NR3C1: variants seen among roughly 807,000 people sequenced by gnomAD.
NR3C1 encodes the protein nuclear receptor subfamily 3 group C member 1.
In NR3C1, 14 loss-of-function variants were observed where a neutral mutation model predicts 74.0. The ratio of observed to expected loss-of-function variants is 0.19; its 90% CI spans 0.12 to 0.30. NR3C1 has a LOEUF of 0.30. NR3C1 is among the 10% of genes least tolerant of loss of function. The pLI is 1.00. For synonymous variants in NR3C1, 308 were observed against 332.5 expected, an observed-to-expected ratio of 0.93 and a Z score of 0.80; for missense variants, 695 against 909.8, an observed-to-expected ratio of 0.76 and a Z score of 3.04.
In NR3C1 at chr5:143,282,741, G is replaced by T; in HGVS notation, c.2024-16C>A. 6.2e-7 allele frequency: 1 copy of T among 1,605,102 alleles called. No individual in the cohort carries two copies. ...TCCTTAGGAACTAAAAGGTTAAGAT[G>T]AAGTCAGTTAAAGGATTTTCTTTTT... On this transcript the variant is annotated splice_polypyrimidine_tract_variant and intron_variant, in intron 7 of 8. Coordinates refer to ENST00000394464, the MANE Select transcript of NR3C1 (RefSeq NM_000176.3).
intron 1 of NR3C1, among the ~76,000 whole-genome samples, chr5:143,402,994 C>A (rs1600639096): frequency 1.3e-5 from 2 of 149,560 alleles, no homozygotes; most frequent in East Asian, 4.0e-4. Context: ...CTCGGCCCGG[C>A]CAGGGGACGC....
intron 1 of NR3C1, chr5:143,401,111 T>A: frequency 2.0e-6 from 1 of 493,314 alleles, no homozygotes; most frequent in Non-Finnish European, 3.7e-6. Flanking sequence ...CGAACTAAGC[T>A]TGGCTATTCA....
chr5:143,412,030 G>C (rs1460024397), intron 1 of NR3C1, among the ~76,000 whole-genome samples: 1 of 152,022 alleles, frequency 6.6e-6, no homozygotes, highest in Non-Finnish European at 1.5e-5. Context: ...CTATGAAAGA[G>C]ATGGACTTCC....
intron 2 of NR3C1, among the ~76,000 whole-genome samples, chr5:143,330,558 A>G (rs1189004794): frequency 6.6e-6 from 1 of 152,232 alleles, no homozygotes; most frequent in African/African-American, 2.4e-5. Flanking sequence ...AATCAAAAGG[A>G]ATAAGAATGT....
chr5:143,367,827 T>C (rs1021204733), intron 2 of NR3C1, among the ~76,000 whole-genome samples: 2 of 152,202 alleles, frequency 1.3e-5, no homozygotes, highest in Non-Finnish European at 1.5e-5. Context: ...CCCAAACTGA[T>C]CTACAGGTTC....
intron 1 of NR3C1, chr5:143,402,688 C>T (rs1840536089): frequency 1.0e-6 from 1 of 985,372 alleles, no homozygotes; most frequent in Non-Finnish European, 1.2e-6. Flanking sequence ...TGTCAGCCCC[C>T]CGCGTGTGCA....
chr5:143,400,886 A>G (rs1422333096), intron 1 of NR3C1, 34 bp from the exon 2 acceptor site: 1 of 1,496,178 alleles, frequency 6.7e-7, no homozygotes, highest in Non-Finnish European at 9.2e-7. Context: ...GGGGGAAAAC[A>G]TCATAAGCTC....
At chr5:143,288,818 G>A (rs1205175332) in intron 7 of NR3C1, among the ~76,000 whole-genome samples, 2 of 152,042 alleles carry the variant, frequency 1.3e-5, no homozygotes, top group Non-Finnish European at 2.9e-5. Flanking sequence ...TAAAAAATAC[G>A]TGGAAGACCA....
intron 7 of NR3C1, 57 bp from the exon 8 acceptor site, chr5:143,282,782 T>C (rs531843442): frequency 4.6e-5 from 71 of 1,557,102 alleles, no homozygotes; most frequent in Admixed American, 3.1e-4. Context: ...CTTTTCTTTT[T>C]TTTTTTTTTT....
intron 1 of NR3C1, among the ~76,000 whole-genome samples, chr5:143,425,520 A>G (rs1335117759): frequency 6.6e-6 from 1 of 152,218 alleles, no homozygotes; most frequent in Admixed American, 6.5e-5. Context: ...AAGAACTTTT[A>G]TATTTCAACA....
chr5:143,420,203 C>A (rs1751151164), intron 1 of NR3C1, among the ~76,000 whole-genome samples: 1 of 152,086 alleles, frequency 6.6e-6, no homozygotes, highest in Admixed American at 6.5e-5. Flanking sequence ...GTGCAGTTAA[C>A]ACAATTATCA....
chr5:143,344,742 G>A (rs957711931), intron 2 of NR3C1, among the ~76,000 whole-genome samples: 9 of 152,020 alleles, frequency 5.9e-5, no homozygotes, highest in South Asian at 2.1e-4. Flanking sequence ...GTGTGGTGGC[G>A]GGCGCCTGTA....
intron 7 of NR3C1, among the ~76,000 whole-genome samples, chr5:143,283,679 A>C (rs1377680454): frequency 6.6e-6 from 1 of 152,164 alleles, no homozygotes; most frequent in Non-Finnish European, 1.5e-5. Context: ...GGTTAGTGAA[A>C]CTAGTATAAA....
exon 1 of NR3C1, chr5:143,434,550 T>C (rs572062021): frequency 4.1e-6 from 4 of 985,442 alleles, no homozygotes; most frequent in Admixed American, 6.1e-5. Flanking sequence ...TCAGACACTT[T>C]AATGAAGCAA....
chr5:143,396,315 T>C (rs915706053), intron 2 of NR3C1, among the ~76,000 whole-genome samples: 4 of 151,750 alleles, frequency 2.6e-5, no homozygotes, highest in Non-Finnish European at 5.9e-5. Context: ...AGTGAAAATA[T>C]ATTTAAAAAG....
chr5:143,348,277 G>C (rs1829657517), intron 2 of NR3C1, among the ~76,000 whole-genome samples: 1 of 152,098 alleles, frequency 6.6e-6, no homozygotes, highest in South Asian at 2.1e-4. Flanking sequence ...TCAGTGAATG[G>C]GGCAGGTTAT....
At chr5:143,285,677 T>G (rs1196875564) in intron 7 of NR3C1, among the ~76,000 whole-genome samples, 3 of 152,124 alleles carry the variant, frequency 2.0e-5, no homozygotes, top group Non-Finnish European at 4.4e-5. Context: ...TAAGGCATCA[T>G]GATTAAATAA....
Position 143,341,800 on chromosome 5 carries a change from AT to A in NR3C1, c.1185-27633del, listed in dbSNP as rs61752279. Reference sequence around the variant, plus strand: ...CTCTGTGGTCAAATATAAAATTATAATTTACAACAGATAATATATTCAAATG... The same window carrying A: ...CTCTGTGGTCAAATATAAAATTATAATTACAACAGATAATATATTCAAATG... On this transcript the variant is annotated intron_variant, in intron 2 of 8. Coordinates refer to ENST00000394464, the MANE Select transcript of NR3C1 (RefSeq NM_000176.3). Among the ~76,000 whole-genome samples the A allele has an allele frequency of 2.4e-3, 367 of 152,358 alleles. 1 individual carries two copies. The highest frequency in any genetic ancestry group is 8.4e-3 in the African/African-American group (350 of 41,578).
chr5:143,306,372 T>A (rs1198781860), intron 4 of NR3C1, among the ~76,000 whole-genome samples: 2 of 151,214 alleles, frequency 1.3e-5, no homozygotes, highest in Non-Finnish European at 3.0e-5. Flanking sequence ...AAAAAAAAAG[T>A]GTGAAACACA....
Sources: allele counts gnomAD v4.1 joint callset (sites outside exome capture counted in the v4.1 genomes callset), GRCh38; gene constraint gnomAD v4.1.1; transcripts MANE v1.5; gene names NCBI Gene and HGNC (gene_info 2026-07-23, HGNC 2026-07-21).